FHIT: variants seen among roughly 807,000 people sequenced by gnomAD.
FHIT encodes bis(5'-adenosyl)-triphosphatase.
A neutral mutation model predicts 17.9 loss-of-function variants in FHIT; 19 were observed. The ratio of observed to expected loss-of-function variants is 1.06; its 90% CI spans 0.74 to 1.56. FHIT has a LOEUF of 1.56. Among genes scored for constraint, FHIT ranks in the 40% most tolerant of loss-of-function variants. FHIT has a pLI of 0.00. For missense variants in FHIT, 248 were observed against 189.2 expected (o/e 1.31, Z -1.82); for synonymous variants, 81 against 69.7 (o/e 1.16, Z -0.81).
chr3:60,595,669 G>A (rs1415854528), intron 4 of FHIT, among the ~76,000 whole-genome samples: 3 of 151,558 alleles, frequency 2.0e-5, no homozygotes, highest in African/African-American at 7.3e-5. Flanking sequence ...TGTATTTTAA[G>A]AGACTAGGTG....
At chr3:60,465,037 C>T (rs1202366748) in intron 5 of FHIT, among the ~76,000 whole-genome samples, 6 of 151,854 alleles carry the variant, frequency 4.0e-5, no homozygotes, top group Non-Finnish European at 1.5e-5. Context: ...CTGTCTTTTG[C>T]ATATCTTTTC....
chr3:60,309,045 T>G (rs745867774), intron 5 of FHIT, among the ~76,000 whole-genome samples: 1 of 152,300 alleles, frequency 6.6e-6, no homozygotes, highest in East Asian at 1.9e-4. Flanking sequence ...TGCCGTCACC[T>G]CTGGTAAACA....
Position 60,895,544 on chromosome 3 carries a change from A to G in FHIT, c.-110-73533T>C, listed in dbSNP as rs1485918140. On this transcript the variant is annotated intron_variant, in intron 3 of 9. Coordinates refer to ENST00000492590, the MANE Select transcript of FHIT (RefSeq NM_002012.4). ...ACTCTGAATCAATTATTACTATAAT[A>G]GTTGTAAAAAAGTGATTTTTCTAAC... Among the ~76,000 whole-genome samples, 4 of 152,314 alleles carry G rather than the reference A, an allele frequency of 2.6e-5. No individual in the cohort carries two copies. In the East Asian group the frequency reaches 7.7e-4, roughly 29 times the overall value.
At chr3:60,731,227 C>G (rs1435614579) in intron 4 of FHIT, among the ~76,000 whole-genome samples, 2 of 152,152 alleles carry the variant, frequency 1.3e-5, no homozygotes, top group African/African-American at 4.8e-5. Context: ...AAGAATGTTA[C>G]CAGCAGTGAA....
chr3:61,222,482 C>T (rs551530111), intron 1 of FHIT, among the ~76,000 whole-genome samples: 2 of 152,262 alleles, frequency 1.3e-5, no homozygotes, highest in Admixed American at 6.5e-5. Context: ...TGGGCACCAG[C>T]GGCAAGATTT....
chr3:60,341,788 G>A (rs1444331466), intron 5 of FHIT, among the ~76,000 whole-genome samples: 3 of 152,102 alleles, frequency 2.0e-5, no homozygotes, highest in East Asian at 1.9e-4. Flanking sequence ...ATTTTAGTGC[G>A]AGGTAACCAA....
Position 61,154,270 on chromosome 3 carries a change from C to A in FHIT, c.-164+46347G>T, listed in dbSNP as rs75939878. ...ATAGGACCATTTACACTAAATGAAC[C>A]GAACATATTACTGGAGTAACAATTG... On this transcript the variant is annotated intron_variant, in intron 2 of 9. Coordinates refer to ENST00000492590, the MANE Select transcript of FHIT (RefSeq NM_002012.4). Among the ~76,000 whole-genome samples, 129 of 152,174 alleles carry A rather than the reference C, an allele frequency of 8.5e-4. No homozygotes were observed. The East Asian group carries it at 0.024, about 28-fold the overall frequency.
intron 4 of FHIT, among the ~76,000 whole-genome samples, chr3:60,598,093 A>G (rs185931135): frequency 1.3e-5 from 2 of 152,266 alleles, no homozygotes; most frequent in Admixed American, 6.5e-5. Context: ...GTATCATCCT[A>G]AGCACCCACC....
chr3:60,407,981 A>G (rs1424233339), intron 5 of FHIT, among the ~76,000 whole-genome samples: 4 of 152,196 alleles, frequency 2.6e-5, no homozygotes, highest in African/African-American at 7.2e-5. Context: ...GTCATATTTC[A>G]AGTATCAGTT....
intron 4 of FHIT, chr3:60,732,032 T>C (rs547874704): frequency 4.4e-6 from 2 of 450,298 alleles, no homozygotes; most frequent in South Asian, 2.6e-5. Flanking sequence ...CCAAAGGGAA[T>C]TGCAGCGACA....
chr3:60,865,967 C>T (rs1250821640), intron 3 of FHIT, among the ~76,000 whole-genome samples: 1 of 152,050 alleles, frequency 6.6e-6, no homozygotes, highest in African/African-American at 2.4e-5. Context: ...TCAAAATCCT[C>T]CTGTTCTAGC....
chr3:61,010,284 C>T (rs998073819), intron 3 of FHIT, among the ~76,000 whole-genome samples: 2 of 151,760 alleles, frequency 1.3e-5, no homozygotes, highest in South Asian at 2.1e-4. Flanking sequence ...ACTGTAAATA[C>T]ATTTAACTCA....
At position 61,179,352 on chromosome 3, in the gene FHIT, CACAA is replaced by C. The variant is rs576031385; in HGVS notation, c.-164+21261_-164+21264del. Among the ~76,000 whole-genome samples, 53 of 152,192 alleles carry C rather than the reference CACAA, an allele frequency of 3.5e-4. No individual in the cohort carries two copies. In the South Asian group the frequency reaches 0.01, roughly 30 times the overall value. ...AACACAAAAAGATCATTCCGAATTT[CACAA>C]ACAATGTTGAGCAAAATATGCCACA... On this transcript the variant is annotated intron_variant, in intron 2 of 9. Transcript: ENST00000492590.
intron 3 of FHIT, among the ~76,000 whole-genome samples, chr3:60,860,663 T>C (rs1290163236): frequency 8.7e-6 from 1 of 114,884 alleles, no homozygotes; most frequent in African/African-American, 3.2e-5. Flanking sequence ...ATATCAGGTA[T>C]ATATGTACAT....
chr3:60,476,791 T>C (rs2033367008), intron 5 of FHIT, among the ~76,000 whole-genome samples: 1 of 151,944 alleles, frequency 6.6e-6, no homozygotes, highest in Non-Finnish European at 1.5e-5. Context: ...GCTTCTGGCC[T>C]TGTCGGAGGT....
intron 5 of FHIT, among the ~76,000 whole-genome samples, chr3:60,160,076 G>A (rs1274555379): frequency 6.6e-6 from 1 of 152,100 alleles, no homozygotes; most frequent in Non-Finnish European, 1.5e-5. Flanking sequence ...TTTAAAGTCT[G>A]TGCTGCATGA....
chr3:60,131,076 TATACAC>T lies in FHIT; in HGVS notation c.104-116930_104-116925del, dbSNP rs372010811. On this transcript the variant is annotated intron_variant, in intron 5 of 9. Coordinates refer to ENST00000492590, the MANE Select transcript of FHIT (RefSeq NM_002012.4). Reference sequence around the variant, plus strand: ...ATACATACATACACATGTATGTATGTATACACATATATACACATATATACACACAAA... The same window carrying T: ...ATACATACATACACATGTATGTATGTATATATACACATATATACACACAAA... Among the ~76,000 whole-genome samples the T allele has an allele frequency of 1.3e-3, 87 of 68,058 alleles. 6 individuals carry two copies. Among genetic ancestry groups the T allele is most frequent in the African/African-American group, 9.0e-3 (83 of 9,258 alleles). The allele number at this position is 68,058 out of a possible 152,430, so 44.6% of individuals were successfully genotyped here. A position where few individuals can be genotyped will look rare whatever the true frequency, so the allele number is the denominator to read the frequency against.
intron 8 of FHIT, among the ~76,000 whole-genome samples, chr3:59,847,054 G>A (rs886528215): frequency 4.6e-5 from 7 of 152,128 alleles, no homozygotes; most frequent in Middle Eastern, 3.2e-3. Flanking sequence ...GTGTTTTGGT[G>A]TGAGTCTTTC....
intron 2 of FHIT, among the ~76,000 whole-genome samples, chr3:61,144,215 G>A (rs1386107434): frequency 6.6e-6 from 1 of 152,080 alleles, no homozygotes; most frequent in African/African-American, 2.4e-5. Flanking sequence ...CGCTACCCCT[G>A]CAGCCCTATT....
Sources: gnomAD v4.1 joint callset for allele counts (sites outside exome capture counted in the v4.1 genomes callset) on GRCh38, gnomAD v4.1.1 for gene constraint, MANE v1.5 for transcripts, NCBI Gene and HGNC (gene_info 2026-07-23, HGNC 2026-07-21) for gene names.